NEDD4L: variants seen among roughly 807,000 people sequenced by gnomAD.
NEDD4L encodes the protein E3 ubiquitin-protein ligase NEDD4-like.
Under a neutral mutation model 148.9 loss-of-function variants are expected in NEDD4L, and 54 were observed. The observed-to-expected ratio is 0.36, with a 90% CI of 0.29 to 0.45. The LOEUF (loss-of-function observed/expected upper bound fraction) is 0.45, where lower values mean the gene tolerates loss of function less well. Ranked by LOEUF, NEDD4L falls within the 20% of genes least tolerant of loss-of-function variation. The pLI is 1.00. For synonymous variants in NEDD4L, 433 were observed against 440.7 expected (o/e 0.98, Z 0.22); for missense variants, 856 against 1,233.8 (o/e 0.69, Z 4.59).
At chr18:58,180,926 G>C (rs1200957298) in intron 2 of NEDD4L, among the ~76,000 whole-genome samples, 2 of 152,180 alleles carry the variant, frequency 1.3e-5, no homozygotes. Context: ...TATTGGGGGG[G>C]TTACAGCACC....
At chr18:58,297,420 G>A (rs2055803225) in intron 5 of NEDD4L, among the ~76,000 whole-genome samples, 1 of 152,190 alleles carries the variant, frequency 6.6e-6, no homozygotes, top group South Asian at 2.1e-4. Context: ...AGCACTGTGG[G>A]AGATACAGAG....
chr18:58,214,049 C>T (rs1420783219), intron 2 of NEDD4L, among the ~76,000 whole-genome samples: 3 of 152,216 alleles, frequency 2.0e-5, no homozygotes, highest in South Asian at 2.1e-4. Context: ...CCTGCTTGCT[C>T]TCTTGAGCTG....
At chr18:58,253,116 C>T (rs545837036) in intron 5 of NEDD4L, among the ~76,000 whole-genome samples, 1 of 152,246 alleles carries the variant, frequency 6.6e-6, no homozygotes, top group South Asian at 2.1e-4. Flanking sequence ...ATCCTTTCTG[C>T]AGTATTCAAT....
At chr18:58,144,720 C>A (rs1328079481) in intron 1 of NEDD4L, among the ~76,000 whole-genome samples, 1 of 152,162 alleles carries the variant, frequency 6.6e-6, no homozygotes. Context: ...TACCCACAGT[C>A]TCCCTCGCGT....
At chr18:58,255,940 G>C in intron 5 of NEDD4L, 2 of 1,231,120 alleles carry the variant, frequency 1.6e-6, no homozygotes, top group Admixed American at 8.4e-5. Flanking sequence ...GCAAGGCCAC[G>C]GACGGGGCCA....
intron 5 of NEDD4L, among the ~76,000 whole-genome samples, chr18:58,295,018 C>T (rs2055351137): frequency 6.6e-6 from 1 of 152,054 alleles, no homozygotes; most frequent in Admixed American, 6.6e-5. Context: ...AGAAATTTCC[C>T]ATGTATTTCC....
intron 1 of NEDD4L, among the ~76,000 whole-genome samples, chr18:58,162,270 T>A (rs2036308863): frequency 6.6e-6 from 1 of 152,058 alleles, no homozygotes; most frequent in South Asian, 2.1e-4. Context: ...GTTCACCCTC[T>A]CCTGAAGCTG....
chr18:58,224,131 C>T (rs2044085077), intron 2 of NEDD4L, among the ~76,000 whole-genome samples: 1 of 152,186 alleles, frequency 6.6e-6, no homozygotes, highest in African/African-American at 2.4e-5. Context: ...GAAAACGCAC[C>T]GCTTTCAGTG....
At chr18:58,181,573 G>A (rs2038870683) in intron 2 of NEDD4L, among the ~76,000 whole-genome samples, 1 of 152,196 alleles carries the variant, frequency 6.6e-6, no homozygotes, top group East Asian at 1.9e-4. Context: ...CTAGACCATG[G>A]TGCATGCAAC....
rs995210243 is a variant in NEDD4L, at chr18:58,398,379, A to G, written c.*2110A>G. 3.3e-5 allele frequency: 5 copies of G among 152,158 alleles called. No homozygotes were observed. Among genetic ancestry groups the G allele is most frequent in the African/African-American group, 1.2e-4 (5 of 41,502 alleles). 9.4% of individuals were successfully genotyped at this position (152,158 alleles called of 1,614,324 possible). A position where few individuals can be genotyped will look rare whatever the true frequency, so the allele number is the denominator to read the frequency against. ...TCTTGGTTTTTGAGAGTAATTGTGT[A>G]ATTGTAGAGGGAGAAATCCAATTCT... On this transcript the variant is annotated 3_prime_UTR_variant, in exon 31 of 31. Coordinates refer to ENST00000400345, the MANE Select transcript of NEDD4L (RefSeq NM_001144967.3).
chr18:58,119,661 T>C (rs917307048), intron 1 of NEDD4L, among the ~76,000 whole-genome samples: 9 of 152,166 alleles, frequency 5.9e-5, no homozygotes, highest in African/African-American at 2.2e-4. Context: ...CGACTGAGAG[T>C]TTGCAGCCCC....
chr18:58,151,658 T>TGTGTGTGTGTGTGTGTGTG (rs60365242), intron 1 of NEDD4L, among the ~76,000 whole-genome samples: 33 of 151,136 alleles, frequency 2.2e-4, no homozygotes, highest in East Asian at 5.8e-4. Flanking sequence ...TGTGTGTGTG[T>TGTGTGTGTGTGTGTGTGTG]TGGCTGGAGA....
At chr18:58,258,173 A>G (rs555753926) in intron 5 of NEDD4L, among the ~76,000 whole-genome samples, 3 of 152,206 alleles carry the variant, frequency 2.0e-5, no homozygotes, top group Non-Finnish European at 4.4e-5. Flanking sequence ...GGAAATGGCT[A>G]AGTGCTTTGT....
intron 2 of NEDD4L, among the ~76,000 whole-genome samples, chr18:58,241,283 G>A (rs1449970644): frequency 6.6e-6 from 1 of 152,216 alleles, no homozygotes. Flanking sequence ...AATTGATGAA[G>A]ACCCAGGGTT....
chr18:58,394,720 A>G (rs1210385386), intron 30 of NEDD4L, among the ~76,000 whole-genome samples: 22 of 152,200 alleles, frequency 1.4e-4, no homozygotes, highest in Non-Finnish European at 7.3e-5. Flanking sequence ...ACTCAGTGGG[A>G]CTTATTCAAT....
intron 2 of NEDD4L, among the ~76,000 whole-genome samples, chr18:58,203,192 C>T (rs1329180815): frequency 6.6e-6 from 1 of 152,150 alleles, no homozygotes; most frequent in East Asian, 1.9e-4. Context: ...GTCTAGAACT[C>T]CTGGCTTCAA....
intron 2 of NEDD4L, among the ~76,000 whole-genome samples, chr18:58,196,132 T>G (rs1207208935): frequency 6.6e-6 from 1 of 152,188 alleles, no homozygotes. Context: ...CATGCAGAGT[T>G]CAGAAATTTT....
chr18:58,087,148 A>T (rs748832498), intron 1 of NEDD4L, among the ~76,000 whole-genome samples: 6 of 152,202 alleles, frequency 3.9e-5, no homozygotes, highest in African/African-American at 1.4e-4. Context: ...CTGACTTCTT[A>T]ACAAAGGATT....
At chr18:58,118,554 C>A (rs1021447643) in intron 1 of NEDD4L, among the ~76,000 whole-genome samples, 1 of 152,168 alleles carries the variant, frequency 6.6e-6, no homozygotes, top group Non-Finnish European at 1.5e-5. Context: ...ACTCTAGGAA[C>A]CTGTATTCCT....
Sources: gnomAD v4.1 joint callset for allele counts (sites outside exome capture counted in the v4.1 genomes callset) on GRCh38, gnomAD v4.1.1 for gene constraint, MANE v1.5 for transcripts, NCBI Gene and HGNC (gene_info 2026-07-23, HGNC 2026-07-21) for gene names.